The following SNX29 variants were observed in gnomAD, a reference collection of about 807,000 sequenced individuals.
SNX29 encodes the protein sorting nexin-29.
A neutral mutation model predicts 102.1 loss-of-function variants in SNX29; 78 were observed. That is an observed-to-expected ratio of 0.76 (90% CI 0.64 to 0.92). SNX29 has a LOEUF of 0.92. Ranked by LOEUF, SNX29 falls within the 40% of genes least tolerant of loss-of-function variation. The pLI, the probability that SNX29 is intolerant of heterozygous loss-of-function variation, is 0.00. For missense variants in SNX29, 1,280 were observed against 1,061.7 expected (o/e 1.21, Z -2.86); for synonymous variants, 580 against 414.5 (o/e 1.40, Z -4.85).
At chr16:12,516,068 A>G (rs1017948649) in intron 19 of SNX29, among the ~76,000 whole-genome samples, 3 of 152,076 alleles carry the variant, frequency 2.0e-5, no homozygotes, top group African/African-American at 7.2e-5. Context: ...AACTCCCATT[A>G]CCTTACATTA....
Position 12,551,700 on chromosome 16 carries a change from G to T in SNX29, c.2319-16806G>T, listed in dbSNP as rs552263911. Among the ~76,000 whole-genome samples, 7 of 152,316 alleles carry T rather than the reference G, an allele frequency of 4.6e-5. No homozygotes were observed. In the East Asian group the frequency reaches 7.7e-4, roughly 17 times the overall value. On this transcript the variant is annotated intron_variant, in intron 20 of 20. Transcript: ENST00000566228. Reference sequence around the variant, plus strand: ...GGATAAAAGTACCACCCTCCTTTCAGGTGGTGAGCCAACTTGTGAATGGGG... The same window carrying T: ...GGATAAAAGTACCACCCTCCTTTCATGTGGTGAGCCAACTTGTGAATGGGG...
chr16:12,472,806 A>G (rs186101090), intron 18 of SNX29, among the ~76,000 whole-genome samples: 342 of 152,190 alleles, frequency 2.2e-3, no homozygotes, highest in Non-Finnish European at 3.3e-3. Context: ...TACAGACATC[A>G]TGAGGGTAAT....
At chr16:12,314,691 A>G (rs1019008105) in intron 15 of SNX29, among the ~76,000 whole-genome samples, 2 of 152,222 alleles carry the variant, frequency 1.3e-5, no homozygotes, top group Non-Finnish European at 2.9e-5. Flanking sequence ...TTGATTCTAC[A>G]GCTTGGTGGA....
chr16:12,417,993 G>T (rs1380712869), intron 18 of SNX29, among the ~76,000 whole-genome samples: 1 of 152,094 alleles, frequency 6.6e-6, no homozygotes, highest in African/African-American at 2.4e-5. Flanking sequence ...GAAGGGGAAG[G>T]GAATAGATAA....
chr16:12,336,693 C>G (rs1464208201), intron 15 of SNX29, among the ~76,000 whole-genome samples: 1 of 152,120 alleles, frequency 6.6e-6, no homozygotes, highest in Non-Finnish European at 1.5e-5. Context: ...GCTTGTAATC[C>G]CAGCACTTTG....
chr16:12,035,514 C>A (rs922655756), intron 4 of SNX29, among the ~76,000 whole-genome samples: 1 of 152,146 alleles, frequency 6.6e-6, no homozygotes, highest in Non-Finnish European at 1.5e-5. Flanking sequence ...GAGCTCAGCC[C>A]CTTGTTGGCA....
chr16:12,384,229 A>G (rs538702306), intron 16 of SNX29, among the ~76,000 whole-genome samples: 4 of 152,196 alleles, frequency 2.6e-5, no homozygotes, highest in Non-Finnish European at 4.4e-5. Context: ...TCTTTCGGGT[A>G]TATACCCAGC....
At chr16:12,486,179 T>C (rs1597569257) in intron 19 of SNX29, among the ~76,000 whole-genome samples, 1 of 152,172 alleles carries the variant, frequency 6.6e-6, no homozygotes, top group Non-Finnish European at 1.5e-5. Context: ...CCGTGTTGCC[T>C]CTCTCCCACC....
chr16:12,402,381 G>A (rs752789054), intron 17 of SNX29, among the ~76,000 whole-genome samples: 3 of 152,240 alleles, frequency 2.0e-5, no homozygotes, highest in Non-Finnish European at 2.9e-5. Flanking sequence ...GAAGGCTGGC[G>A]AGTTTTTATG....
intron 20 of SNX29, among the ~76,000 whole-genome samples, chr16:12,559,025 C>CT (rs1261257182): frequency 1.3e-5 from 2 of 152,124 alleles, no homozygotes; most frequent in Admixed American, 6.5e-5. Flanking sequence ...CAAAAGACTC[C>CT]TTTTAAGTAA....
In SNX29 at chr16:12,042,899, C is replaced by T. The variant is rs754242454; in HGVS notation, c.250C>T (p.Pro84Ser). 8.7e-6 allele frequency: 14 copies of T among 1,606,430 alleles called. No homozygotes were observed. Among genetic ancestry groups the T allele is most frequent in the Non-Finnish European group, 1.1e-5 (13 of 1,174,696 alleles). The change falls in exon 5 of 21, where the codon CCC (proline) becomes TCC (serine). Residue 84 changes from proline (P) to serine (S), a missense_variant and splice_region_variant. Transcript: ENST00000566228. ...AGFASKTETEPVFWYYVKEVL... is the reference protein window; with the variant it reads ...AGFASKTETESVFWYYVKEVL... ...GCGCCTGTGCCCTCTCTCCGTAGAG[C>T]CCGTGTTCTGGTACTACGTGAAGGA...
chr16:12,111,349 G>A (rs115099870), intron 11 of SNX29, among the ~76,000 whole-genome samples: 1,861 of 152,314 alleles, frequency 0.012, 53 homozygotes, highest in African/African-American at 0.043. Context: ...CAAAGCCTGC[G>A]TGATGTGACC....
chr16:12,255,519 T>A (rs532811865), intron 14 of SNX29, among the ~76,000 whole-genome samples: 2 of 152,320 alleles, frequency 1.3e-5, no homozygotes, highest in African/African-American at 4.8e-5. Context: ...TTGTACTTTT[T>A]GACCAGCATC....
intron 20 of SNX29, among the ~76,000 whole-genome samples, chr16:12,567,003 C>A (rs1006836736): frequency 6.6e-6 from 1 of 152,218 alleles, no homozygotes; most frequent in African/African-American, 2.4e-5. Flanking sequence ...AGGTGCAACG[C>A]AAAGTAGATC....
At chr16:12,370,823 T>C (rs746820247) in intron 16 of SNX29, among the ~76,000 whole-genome samples, 1 of 152,256 alleles carries the variant, frequency 6.6e-6, no homozygotes, top group African/African-American at 2.4e-5. Flanking sequence ...GCTGTCTCTT[T>C]TCTGGGCGAC....
intron 11 of SNX29, among the ~76,000 whole-genome samples, chr16:12,085,089 AAG>A (rs1567192641): frequency 1.3e-5 from 2 of 151,872 alleles, no homozygotes; most frequent in Admixed American, 1.3e-4. Flanking sequence ...AGAAAAAAAA[AAG>A]AAATCCCCAG....
intron 15 of SNX29, among the ~76,000 whole-genome samples, chr16:12,350,339 C>T (rs560208955): frequency 6.6e-6 from 1 of 152,158 alleles, no homozygotes; most frequent in East Asian, 1.9e-4. Flanking sequence ...TTACATAGCA[C>T]TTACATCATA....
At chr16:12,193,457 G>A (rs1424024958) in intron 13 of SNX29, among the ~76,000 whole-genome samples, 1 of 119,556 alleles carries the variant, frequency 8.4e-6, no homozygotes, top group Non-Finnish European at 1.8e-5. Context: ...CAACAAGAGT[G>A]AAACTCCATC....
intron 14 of SNX29, among the ~76,000 whole-genome samples, chr16:12,216,073 A>G (rs2077315659): frequency 6.6e-6 from 1 of 152,194 alleles, no homozygotes; most frequent in African/African-American, 2.4e-5. Flanking sequence ...CTTGCCTTAA[A>G]TTGTTTCTCA....
Sources: gnomAD v4.1 joint callset for allele counts (sites outside exome capture counted in the v4.1 genomes callset) on GRCh38, gnomAD v4.1.1 for gene constraint, MANE v1.5 for transcripts, NCBI Gene and HGNC (gene_info 2026-07-23, HGNC 2026-07-21) for gene names.